The following MGAT4C variants were observed in gnomAD, a reference collection of about 807,000 sequenced individuals.
MGAT4C encodes MGAT4 family member C.
A neutral mutation model predicts 40.1 loss-of-function variants in MGAT4C; 19 were observed. That is an observed-to-expected ratio of 0.47 (90% CI 0.33 to 0.70). The LOEUF (loss-of-function observed/expected upper bound fraction) is 0.70. Among genes scored for constraint, MGAT4C ranks in the 30% least tolerant of loss-of-function variants. The probability of loss-of-function intolerance (pLI) is 0.02; values close to 1 mark genes in which losing one functional copy is unlikely to be tolerated. For missense variants in MGAT4C, 491 were observed against 563.2 expected, an observed-to-expected ratio of 0.87 and a Z score of 1.30; for synonymous variants, 181 against 187.1, an observed-to-expected ratio of 0.97 and a Z score of 0.27.
rs1344988115 is a variant in MGAT4C, at chr12:85,963,645, C to T, written c.*15644G>A. 2 of 151,850 alleles carry T rather than the reference C, an allele frequency of 1.3e-5. No individual in the cohort carries two copies. The highest frequency in any genetic ancestry group is 4.8e-5 in the African/African-American group (2 of 41,352). 9.4% of individuals were successfully genotyped at this position (151,850 alleles called of 1,614,324 possible). A position where few individuals can be genotyped will look rare whatever the true frequency, so the allele number is the denominator to read the frequency against. The stretch of plus-strand genomic sequence containing the variant: ...AATGTAATTATCAATGAACAATAGC[C>T]ATTGAAAAAATCTGAACAGATATTA... On this transcript the variant is annotated 3_prime_UTR_variant, in exon 5 of 5. Transcript: ENST00000611864.
At chr12:86,247,144 T>A (rs950720074) in intron 1 of MGAT4C, among the ~76,000 whole-genome samples, 1 of 152,196 alleles carries the variant, frequency 6.6e-6, no homozygotes, top group Non-Finnish European at 1.5e-5. Flanking sequence ...AAATGCACAA[T>A]CTGTTCTCTT....
chr12:86,822,972 A>G (rs772551202), intron 1 of MGAT4C, among the ~76,000 whole-genome samples: 3 of 151,242 alleles, frequency 2.0e-5, no homozygotes, highest in Non-Finnish European at 3.0e-5. Flanking sequence ...TCTGATCACA[A>G]TAGAATTTTA....
intron 2 of MGAT4C, chr12:86,001,669 T>G (rs953134106): frequency 1.1e-4 from 106 of 979,190 alleles, no homozygotes; most frequent in Non-Finnish European, 1.2e-4. Context: ...GAAGTTGGTA[T>G]AGTCACATGC....
intron 1 of MGAT4C, among the ~76,000 whole-genome samples, chr12:86,137,844 A>G (rs1050095804): frequency 6.6e-6 from 1 of 152,210 alleles, no homozygotes; most frequent in African/African-American, 2.4e-5. Flanking sequence ...GTGGGAGCCA[A>G]TAACCACATG....
chr12:85,988,890 CAG>C (rs1392790913), intron 3 of MGAT4C, among the ~76,000 whole-genome samples: 1 of 151,920 alleles, frequency 6.6e-6, no homozygotes, highest in African/African-American at 2.4e-5. Flanking sequence ...AAATATAAAA[CAG>C]AGTGGCCATC....
chr12:86,811,844 C>T (rs540494655), intron 1 of MGAT4C, among the ~76,000 whole-genome samples: 131 of 152,042 alleles, frequency 8.6e-4, no homozygotes, highest in East Asian at 9.7e-4. Flanking sequence ...TTCCTTCCTG[C>T]TTTTTGCTCT....
chr12:86,600,288 TAAGA>T (rs1314788884), intron 2 of MGAT4C, among the ~76,000 whole-genome samples: 3 of 152,028 alleles, frequency 2.0e-5, no homozygotes, highest in Non-Finnish European at 4.4e-5. Flanking sequence ...CACAATGAAA[TAAGA>T]AAGAAAGGCC....
At chr12:86,174,815 C>A (rs750907178) in intron 1 of MGAT4C, among the ~76,000 whole-genome samples, 1 of 152,094 alleles carries the variant, frequency 6.6e-6, no homozygotes, top group Non-Finnish European at 1.5e-5. Context: ...TTATTTGGTA[C>A]TCACTCGTAT....
At chr12:86,284,670 T>C (rs568911776) in intron 4 of MGAT4C, among the ~76,000 whole-genome samples, 23 of 152,124 alleles carry the variant, frequency 1.5e-4, no homozygotes, top group African/African-American at 5.3e-4. Flanking sequence ...TTTGTCTGTA[T>C]TAAAGATTTG....
intron 3 of MGAT4C, among the ~76,000 whole-genome samples, chr12:86,420,972 T>C (rs1956816319): frequency 1.3e-5 from 2 of 151,824 alleles, no homozygotes; most frequent in Admixed American, 1.3e-4. Context: ...ATCTGAATCA[T>C]AGAAGTTATG....
At chr12:86,197,889 A>G (rs539699694) in intron 1 of MGAT4C, among the ~76,000 whole-genome samples, 1 of 152,202 alleles carries the variant, frequency 6.6e-6, no homozygotes, top group Non-Finnish European at 1.5e-5. Context: ...GGTAATTGTA[A>G]TATCTGGTAA....
At chr12:86,268,570 A>C (rs1952847996) in intron 4 of MGAT4C, among the ~76,000 whole-genome samples, 1 of 151,120 alleles carries the variant, frequency 6.6e-6, no homozygotes, top group South Asian at 2.1e-4. Context: ...GTCCATTAAA[A>C]ACATTAGTAA....
chr12:86,377,497 T>C (rs1310976108), intron 3 of MGAT4C, among the ~76,000 whole-genome samples: 2 of 152,198 alleles, frequency 1.3e-5, no homozygotes, highest in African/African-American at 4.8e-5. Context: ...TTACACAGAA[T>C]AGCAGCATAT....
intron 4 of MGAT4C, among the ~76,000 whole-genome samples, chr12:86,264,359 GAGAT>G (rs1195239483): frequency 6.6e-6 from 1 of 152,134 alleles, no homozygotes; most frequent in Non-Finnish European, 1.5e-5. Flanking sequence ...TATATGGTGA[GAGAT>G]AGGGGATAGG....
intron 3 of MGAT4C, among the ~76,000 whole-genome samples, chr12:86,401,050 G>A (rs1208876973): frequency 1.3e-5 from 2 of 151,916 alleles, no homozygotes; most frequent in Non-Finnish European, 2.9e-5. Flanking sequence ...TATTTATAAA[G>A]AAATGGCTGT....
At chr12:86,265,668 T>C in intron 4 of MGAT4C, among the ~76,000 whole-genome samples, 1 of 152,156 alleles carries the variant, frequency 6.6e-6, no homozygotes, top group East Asian at 1.9e-4. Context: ...ACATTTTAGG[T>C]TTGCTTTATC....
chr12:86,485,103 A>T (rs1028419492), intron 2 of MGAT4C, among the ~76,000 whole-genome samples: 2 of 152,210 alleles, frequency 1.3e-5, no homozygotes, highest in African/African-American at 4.8e-5. Flanking sequence ...AACAAAGCTT[A>T]CAGACTATAC....
At chr12:86,008,829 T>A (rs542574853) in intron 2 of MGAT4C, among the ~76,000 whole-genome samples, 1 of 152,270 alleles carries the variant, frequency 6.6e-6, no homozygotes, top group Admixed American at 6.5e-5. Flanking sequence ...TGTGGAATTT[T>A]GTCAAATATT....
rs537760216 is a variant in MGAT4C, at chr12:86,016,933, C to T, written c.-6-27381G>A. ...TCATTTTAAAAATTAATTTTTAAGT[C>T]ACCAAAATGTTACCGTATTACTGAT... On this transcript the variant is annotated intron_variant, in intron 2 of 4. Transcript: ENST00000611864. Among the ~76,000 whole-genome samples, 16 of 140,758 alleles carry T rather than the reference C, an allele frequency of 1.1e-4. No individual in the cohort carries two copies. In the East Asian group the frequency reaches 2.7e-3, roughly 24 times the overall value. The allele number at this position is 140,758 out of a possible 152,430, so 92.3% of individuals were successfully genotyped here. A position where few individuals can be genotyped will look rare whatever the true frequency, so the allele number is the denominator to read the frequency against.
Sources: allele counts gnomAD v4.1 joint callset (sites outside exome capture counted in the v4.1 genomes callset), GRCh38; gene constraint gnomAD v4.1.1; transcripts MANE v1.5; gene names NCBI Gene and HGNC (gene_info 2026-07-23, HGNC 2026-07-21).